SATB1: variants seen among roughly 807,000 people sequenced by gnomAD.
SATB1 encodes the protein SATB homeobox 1.
In SATB1, 11 loss-of-function variants were observed where a neutral mutation model predicts 86.9. The ratio of observed to expected loss-of-function variants is 0.13; its 90% CI spans 0.08 to 0.21. The LOEUF is 0.21. SATB1 is among the 10% of genes least tolerant of loss of function. The pLI, the probability that SATB1 is intolerant of heterozygous loss-of-function variation, is 1.00. For missense variants in SATB1, 551 were observed against 937.6 expected (o/e 0.59, Z 5.39); for synonymous variants, 357 against 357.2 (o/e 1.00, Z 0.01).
intron 9 of SATB1, among the ~76,000 whole-genome samples, chr3:18,373,654 T>G (rs1175892875): frequency 6.6e-6 from 1 of 152,138 alleles, no homozygotes; most frequent in Non-Finnish European, 1.5e-5. Flanking sequence ...CCTACAAACC[T>G]AAGGAAAATG....
rs143960375 is a variant in SATB1, at chr3:18,346,801, C to T, written c.*2369G>A. 1.1e-4 allele frequency: 16 copies of T among 152,184 alleles called. No individual in the cohort carries two copies. In the East Asian group the frequency reaches 2.5e-3, roughly 24 times the overall value. 9.4% of individuals were successfully genotyped at this position (152,184 alleles called of 1,614,324 possible). On this transcript the variant is annotated 3_prime_UTR_variant, in exon 11 of 11. Coordinates refer to ENST00000338745, the MANE Select transcript of SATB1 (RefSeq NM_002971.6). Reference sequence around the variant, plus strand: ...ATTGGAAAGTTATTTGCAACCCAAACTTAGGGGATATAAGGAAGAGGAAGA... The same window carrying T: ...ATTGGAAAGTTATTTGCAACCCAAATTTAGGGGATATAAGGAAGAGGAAGA...
Position 18,389,660 on chromosome 3 carries a change from G to A in SATB1, c.1207-3049C>T, listed in dbSNP as rs1696539959. Among the ~76,000 whole-genome samples the A allele has an allele frequency of 2.0e-5, 3 of 152,174 alleles. No individual in the cohort carries two copies. The South Asian group carries it at 6.2e-4, about 32-fold the overall frequency. On this transcript the variant is annotated intron_variant, in intron 7 of 10. Transcript: ENST00000338745. ...AAAAATAGTATGAAAAGGCCATCAT[G>A]TACCTTATTTATGTCATAGAATATG...
intron 7 of SATB1, among the ~76,000 whole-genome samples, chr3:18,393,232 A>G (rs533932527): frequency 6.6e-6 from 1 of 152,216 alleles, no homozygotes; most frequent in Non-Finnish European, 1.5e-5. Context: ...AAAATAAGAT[A>G]AATTGACAAA....
upstream of SATB1, among the ~76,000 whole-genome samples, chr3:18,427,449 A>G (rs1698747044): frequency 2.0e-5 from 3 of 152,226 alleles, no homozygotes; most frequent in Admixed American, 2.0e-4. Flanking sequence ...AATGTTTTTT[A>G]TAAAAGAAAA....
intron 5 of SATB1, among the ~76,000 whole-genome samples, chr3:18,401,162 T>G (rs957342945): frequency 1.3e-5 from 2 of 152,166 alleles, no homozygotes; most frequent in African/African-American, 4.8e-5. Flanking sequence ...CTGTGGGCCT[T>G]AGGTCTCATC....
At chr3:18,379,738 TG>T (rs1695948361) in intron 8 of SATB1, among the ~76,000 whole-genome samples, 1 of 152,230 alleles carries the variant, frequency 6.6e-6, no homozygotes, top group Non-Finnish European at 1.5e-5. Context: ...TTGAGAAAGC[TG>T]GTAGATGCTT....
chr3:18,386,264 TCTC>T lies in SATB1; in HGVS notation c.1419+132_1419+134del. The T allele has an allele frequency of 2.9e-6, 2 of 692,856 alleles. No individual in the cohort carries two copies. The highest frequency in any genetic ancestry group is 4.8e-6 in the Non-Finnish European group (2 of 414,616). The allele number at this position is 692,856 out of a possible 1,614,324, so 42.9% of individuals were successfully genotyped here. ...CAGAATTAATGATTTGGGACCAAAT[TCTC>T]CTCAAGCAACTATACGAATTTAAAA... is the stretch of plus-strand genomic sequence containing the variant. On this transcript the variant is annotated intron_variant, in intron 8 of 10. Coordinates refer to ENST00000338745, the MANE Select transcript of SATB1 (RefSeq NM_002971.6). The surrounding 1 kb of genome is among the most constrained non-coding windows in gnomAD (Gnocchi z 4.5).
At chr3:18,445,027 G>C (rs1232598826) in intron 1 of SATB1, 2 of 199,748 alleles carry the variant, frequency 1.0e-5, no homozygotes, top group East Asian at 1.9e-4. Flanking sequence ...CGGAGCGGCC[G>C]GGGCGTCCCC....
chr3:18,393,327 T>A (rs934010422), intron 7 of SATB1, among the ~76,000 whole-genome samples: 1 of 140,066 alleles, frequency 7.1e-6, no homozygotes, highest in African/African-American at 2.5e-5. Context: ...CGTTTTTGTT[T>A]GTTTTTTGGT....
intron 9 of SATB1, among the ~76,000 whole-genome samples, chr3:18,373,078 G>A (rs4131280): frequency 0.61 from 93,075 of 152,112 alleles, 29,052 homozygotes; most frequent in East Asian, 0.93. Context: ...GTCCCAGGGA[G>A]ACAGAAGCTG....
At chr3:18,367,562 T>C (rs1695247061) in intron 9 of SATB1, among the ~76,000 whole-genome samples, 1 of 152,194 alleles carries the variant, frequency 6.6e-6, no homozygotes, top group Admixed American at 6.5e-5. Flanking sequence ...GTCTTCTTAT[T>C]AGATAGGGAC....
rs561303162 is a variant in SATB1 at position 18,414,864 on chromosome 3, G to C, written c.639+247C>G. ...ACAAATCTAAAAATTAGCCAGCGGA[G>C]TCTTCCACTGAACTGTTTTTCCTGT... On this transcript the variant is annotated intron_variant, in intron 5 of 10. Coordinates refer to ENST00000338745, the MANE Select transcript of SATB1 (RefSeq NM_002971.6). The C allele has an allele frequency of 3.2e-5, 12 of 379,148 alleles. 1 individual carries two copies. The South Asian group carries it at 5.8e-4, about 18-fold the overall frequency. 23.5% of individuals were successfully genotyped at this position (379,148 alleles called of 1,614,324 possible). A position where few individuals can be genotyped will look rare whatever the true frequency, so the allele number is the denominator to read the frequency against.
intron 5 of SATB1, among the ~76,000 whole-genome samples, chr3:18,398,521 C>T (rs540780167): frequency 1.3e-5 from 2 of 152,116 alleles, no homozygotes; most frequent in African/African-American, 2.4e-5. Flanking sequence ...ATATAATTAT[C>T]TTCTTTAAGT....
intron 9 of SATB1, among the ~76,000 whole-genome samples, chr3:18,357,986 G>A (rs1694734006): frequency 6.6e-6 from 1 of 151,920 alleles, no homozygotes; most frequent in African/African-American, 2.4e-5. Context: ...GTGAGAAACA[G>A]TGGCAAAGCA....
rs543945141 is a variant in SATB1, at chr3:18,390,163, G to C, written c.1207-3552C>G. The stretch of plus-strand genomic sequence containing the variant: ...GAATTCTTTAAAACAGCAGATAAGC[G>C]AAAGAGACTGCCAATCTGAACAAAA... On this transcript the variant is annotated intron_variant, in intron 7 of 10. Coordinates refer to ENST00000338745, the MANE Select transcript of SATB1 (RefSeq NM_002971.6). 2.6e-5 allele frequency among the ~76,000 whole-genome samples: 4 copies of C among 152,214 alleles called. No homozygotes were observed. The South Asian group carries it at 8.3e-4, about 32-fold the overall frequency.
chr3:18,414,651 T>C (rs2125156912), intron 5 of SATB1, among the ~76,000 whole-genome samples: 1 of 152,232 alleles, frequency 6.6e-6, no homozygotes, highest in South Asian at 2.1e-4. Flanking sequence ...TTTAATTTTT[T>C]GGTAATGAGT....
In SATB1 at chr3:18,352,446, T is replaced by A; in HGVS notation, c.1576-251A>T. On this transcript the variant is annotated intron_variant, in intron 9 of 10. Transcript: ENST00000338745. The surrounding 1 kb of genome is among the most constrained non-coding windows in gnomAD (Gnocchi z 4.1). Reference sequence around the variant, plus strand: ...GACATATTTTTTCAGACTCTGAGGGTAACAGAGCATTTATCACAGATTTTT... The same window carrying A: ...GACATATTTTTTCAGACTCTGAGGGAAACAGAGCATTTATCACAGATTTTT... 2.2e-6 allele frequency: 1 copy of A among 453,348 alleles called. No homozygotes were observed. Among genetic ancestry groups the A allele is most frequent in the South Asian group, 2.9e-5 (1 of 34,596 alleles). The allele number at this position is 453,348 out of a possible 1,614,324, so 28.1% of individuals were successfully genotyped here.
intron 6 of SATB1, among the ~76,000 whole-genome samples, chr3:18,396,280 TAAAAAATTAAA>T (rs993650860): frequency 6.6e-6 from 1 of 151,630 alleles, no homozygotes; most frequent in Non-Finnish European, 1.5e-5. Flanking sequence ...TAATTTTTCT[TAAAAAATTAAA>T]AAAAAATTAA....
Position 18,352,020 on chromosome 3 carries a change from A to G in SATB1, c.1751T>C (p.Ile584Thr), listed in dbSNP as rs1390549103. The change falls in exon 10 of 11, where the codon ATT becomes ACT. Residue 584 changes from isoleucine (I) to threonine (T), a missense_variant. Transcript: ENST00000338745. This position sits in a 1 kb window ranked among gnomAD's most constrained non-coding sequence, Gnocchi z 4.1. ...AATCTGCTCTGCTGGAACATGGATAATGTGGGGCGGCCTGTCGCCATGGTG... is the reference window on the plus strand; with the variant it reads ...AATCTGCTCTGCTGGAACATGGATAGTGTGGGGCGGCCTGTCGCCATGGTG... ...VHHHGDRPPH[I>T]IHVPAEQIQQ... is the part of the protein sequence containing the mutation. 6.2e-7 allele frequency: 1 copy of G among 1,614,118 alleles called. No individual in the cohort carries two copies. The highest frequency in any genetic ancestry group is 8.5e-7 in the Non-Finnish European group (1 of 1,180,056).
Sources: allele counts gnomAD v4.1 joint callset (sites outside exome capture counted in the v4.1 genomes callset), GRCh38; gene constraint gnomAD v4.1.1; non-coding constraint Gnocchi (gnomAD v3.1); transcripts MANE v1.5; gene names NCBI Gene and HGNC (gene_info 2026-07-23, HGNC 2026-07-21).